The following WWOX variants were observed in gnomAD, a reference collection of about 807,000 sequenced individuals.
WWOX encodes the protein WW domain containing oxidoreductase.
WWOX carries 69 observed loss-of-function variants against 46.2 expected under a neutral mutation model. That is an observed-to-expected ratio of 1.49 (90% CI 1.23 to 1.82). The LOEUF is 1.82. Ranked by LOEUF, WWOX falls within the 40% of genes most tolerant of loss-of-function variation. The pLI, the probability that WWOX is intolerant of heterozygous loss-of-function variation, is 0.00. For missense variants in WWOX, 919 were observed against 542.6 expected, an observed-to-expected ratio of 1.69 and a Z score of -6.89; for synonymous variants, 359 against 202.6, an observed-to-expected ratio of 1.77 and a Z score of -6.56.
rs758927684 is a variant in WWOX at position 78,260,071 on chromosome 16, C to T, written c.516+95782C>T. ...CGTTGCCAGAGAACTTACACAGGAG[C>T]GTTTCTGCTGGAATCAGCTCGATGC... is the stretch of plus-strand genomic sequence containing the variant. On this transcript the variant is annotated intron_variant, in intron 5 of 8. Coordinates refer to ENST00000566780, the MANE Select transcript of WWOX (RefSeq NM_016373.4). 2.6e-5 allele frequency among the ~76,000 whole-genome samples: 4 copies of T among 151,096 alleles called. 1 individual carries two copies. Among genetic ancestry groups the T allele is most frequent in the Non-Finnish European group, 4.4e-5 (3 of 67,764 alleles).
intron 8 of WWOX, among the ~76,000 whole-genome samples, chr16:78,670,468 C>A (rs891947216): frequency 6.6e-6 from 1 of 152,104 alleles, no homozygotes; most frequent in East Asian, 1.9e-4. Flanking sequence ...AGAAACTTAC[C>A]AGTGGTGTGT....
At chr16:78,536,017 C>T (rs1176125450) in intron 8 of WWOX, among the ~76,000 whole-genome samples, 1 of 152,192 alleles carries the variant, frequency 6.6e-6, no homozygotes, top group Non-Finnish European at 1.5e-5. Flanking sequence ...CAGCCTTAGT[C>T]TTGGCTGTGG....
chr16:78,366,771 C>T (rs192116690), intron 5 of WWOX, among the ~76,000 whole-genome samples: 3 of 151,998 alleles, frequency 2.0e-5, no homozygotes, highest in Non-Finnish European at 4.4e-5. Context: ...CTAGAGGATT[C>T]GTGGTCATTT....
intron 8 of WWOX, among the ~76,000 whole-genome samples, chr16:78,932,760 A>G (rs1328322476): frequency 6.6e-6 from 1 of 152,062 alleles, no homozygotes; most frequent in African/African-American, 2.4e-5. Flanking sequence ...GTAGGGAGGG[A>G]CCTTCCCAGA....
intron 4 of WWOX, among the ~76,000 whole-genome samples, chr16:78,124,921 A>G (rs920199822): frequency 4.6e-5 from 7 of 152,136 alleles, no homozygotes; most frequent in Admixed American, 4.6e-4. Context: ...CAGTGTCTCT[A>G]CTATTTCTAC....
At chr16:78,651,366 A>G (rs1353596790) in intron 8 of WWOX, among the ~76,000 whole-genome samples, 1 of 152,216 alleles carries the variant, frequency 6.6e-6, no homozygotes, top group African/African-American at 2.4e-5. Context: ...TAGACTCTTA[A>G]ATATCTGTGG....
chr16:78,585,567 A>G (rs1260171918), intron 8 of WWOX, among the ~76,000 whole-genome samples: 1 of 151,676 alleles, frequency 6.6e-6, no homozygotes, highest in African/African-American at 2.4e-5. Context: ...CTTCCACCTT[A>G]TAGTGGCTCC....
intron 8 of WWOX, among the ~76,000 whole-genome samples, chr16:78,759,067 C>T (rs1015741396): frequency 1.3e-5 from 2 of 151,978 alleles, no homozygotes; most frequent in Non-Finnish European, 2.9e-5. Flanking sequence ...TCAATATATT[C>T]CCACTTTTGA....
At chr16:78,365,670 G>C (rs1471973465) in intron 5 of WWOX, among the ~76,000 whole-genome samples, 1 of 152,118 alleles carries the variant, frequency 6.6e-6, no homozygotes, top group East Asian at 1.9e-4. Context: ...TTTAGATTAG[G>C]AACAGATTGC....
intron 8 of WWOX, among the ~76,000 whole-genome samples, chr16:78,748,573 T>A (rs1477175190): frequency 1.3e-5 from 2 of 152,200 alleles, no homozygotes; most frequent in African/African-American, 4.8e-5. Flanking sequence ...CAGCTCTGAT[T>A]ACAATACGTC....
At chr16:78,662,484 C>G (rs1272129889) in intron 8 of WWOX, among the ~76,000 whole-genome samples, 1 of 152,090 alleles carries the variant, frequency 6.6e-6, no homozygotes, top group African/African-American at 2.4e-5. Flanking sequence ...TCACTGAGCA[C>G]CTACCATGTA....
intron 5 of WWOX, among the ~76,000 whole-genome samples, chr16:78,374,701 A>G (rs995346028): frequency 6.6e-6 from 1 of 151,922 alleles, no homozygotes; most frequent in Non-Finnish European, 1.5e-5. Flanking sequence ...GGTGCCCGCC[A>G]CCAGGCCTGG....
At chr16:78,961,288 G>T (rs937473443) in intron 8 of WWOX, among the ~76,000 whole-genome samples, 4 of 152,234 alleles carry the variant, frequency 2.6e-5, no homozygotes, top group Non-Finnish European at 4.4e-5. Flanking sequence ...TATATGAACT[G>T]ATGATTATAT....
Position 78,951,141 on chromosome 16 carries a change from G to C in WWOX, c.1057-260467G>C, listed in dbSNP as rs57005556. On this transcript the variant is annotated intron_variant, in intron 8 of 8. Coordinates refer to ENST00000566780, the MANE Select transcript of WWOX (RefSeq NM_016373.4). ...CTTGCTTAGACCAAAGATGGGGATT[G>C]ATTGGCAACTGGGAAGCCTAAGGGT... 1.1e-4 allele frequency among the ~76,000 whole-genome samples: 17 copies of C among 152,304 alleles called. No homozygotes were observed. In the South Asian group the frequency reaches 2.7e-3, roughly 24 times the overall value.
chr16:78,890,186 G>C (rs1483388334), intron 8 of WWOX: 3 of 152,090 alleles, frequency 2.0e-5, no homozygotes, highest in South Asian at 2.1e-4. Flanking sequence ...CTGACACATA[G>C]ATTTTGTAAA....
At chr16:78,309,476 A>G (rs2080197498) in intron 5 of WWOX, among the ~76,000 whole-genome samples, 1 of 152,174 alleles carries the variant, frequency 6.6e-6, no homozygotes, top group East Asian at 1.9e-4. Flanking sequence ...GGAAGCCCTC[A>G]TCCCCATCAC....
intron 6 of WWOX, among the ~76,000 whole-genome samples, chr16:78,411,486 G>T (rs962193020): frequency 6.6e-6 from 1 of 152,130 alleles, no homozygotes; most frequent in African/African-American, 2.4e-5. Flanking sequence ...AGTGAGGGGC[G>T]TACTCATCCA....
intron 8 of WWOX, among the ~76,000 whole-genome samples, chr16:78,612,199 A>T (rs1360560318): frequency 6.6e-6 from 1 of 152,240 alleles, no homozygotes; most frequent in Non-Finnish European, 1.5e-5. Flanking sequence ...CCCAAGAGTG[A>T]TTCTAACAAA....
intron 8 of WWOX, among the ~76,000 whole-genome samples, chr16:78,442,632 T>C (rs1207118742): frequency 6.6e-6 from 1 of 152,166 alleles, no homozygotes; most frequent in East Asian, 1.9e-4. Context: ...CTCGTAATGA[T>C]GGCACTGTGT....
Sources: allele counts gnomAD v4.1 joint callset (sites outside exome capture counted in the v4.1 genomes callset), GRCh38; gene constraint gnomAD v4.1.1; transcripts MANE v1.5; gene names NCBI Gene and HGNC (gene_info 2026-07-23, HGNC 2026-07-21).